INPP5F: variants seen among roughly 807,000 people sequenced by gnomAD.
The protein encoded by INPP5F is inositol polyphosphate-5-phosphatase F, also known as phosphatidylinositide 4-phosphatase SAC2.
Under a neutral mutation model 137.2 loss-of-function variants are expected in INPP5F, and 97 were observed. The ratio of observed to expected loss-of-function variants is 0.71; its 90% CI spans 0.60 to 0.84. The LOEUF is 0.84. Ranked by LOEUF, INPP5F falls within the 40% of genes least tolerant of loss-of-function variation. INPP5F has a pLI of 0.00. For synonymous variants in INPP5F, 504 were observed against 476.9 expected (o/e 1.06, Z -0.74); for missense variants, 1,271 against 1,371.9 (o/e 0.93, Z 1.16).
At chr10:119,754,693 C>A (rs1259985656) in intron 2 of INPP5F, among the ~76,000 whole-genome samples, 2 of 152,056 alleles carry the variant, frequency 1.3e-5, no homozygotes, top group Non-Finnish European at 2.9e-5. Flanking sequence ...GCCCCTGCTG[C>A]TTTTCCCTCC....
intron 12 of INPP5F, among the ~76,000 whole-genome samples, chr10:119,807,678 T>G (rs1850849265): frequency 6.6e-6 from 1 of 152,150 alleles, no homozygotes; most frequent in Admixed American, 6.5e-5. Flanking sequence ...AAAGACAAAA[T>G]ATAATAGTAT....
intron 1 of INPP5F, among the ~76,000 whole-genome samples, chr10:119,727,370 G>A (rs553535925): frequency 6.6e-6 from 1 of 152,324 alleles, no homozygotes; most frequent in Non-Finnish European, 1.5e-5. Flanking sequence ...TCACAGCGTG[G>A]TATCACTTAT....
chr10:119,810,233 G>T lies in INPP5F; in HGVS notation c.1687+16G>T. Reference sequence around the variant, plus strand: ...GCTGTTATAGGTAAGAAGCAGAAAAGCTTTTCTTTCCTCAAAATTTATGTC... The same window carrying T: ...GCTGTTATAGGTAAGAAGCAGAAAATCTTTTCTTTCCTCAAAATTTATGTC... On this transcript the variant is annotated intron_variant, in intron 14 of 19. Transcript: ENST00000650623. The T allele has an allele frequency of 7.1e-7, 1 of 1,405,812 alleles. No homozygotes were observed. Among genetic ancestry groups the T allele is most frequent in the Non-Finnish European group, 1.0e-6 (1 of 998,014 alleles). The allele number at this position is 1,405,812 out of a possible 1,614,324, so 87.1% of individuals were successfully genotyped here.
chr10:119,726,149 G>T lies in INPP5F; in HGVS notation c.-114G>T. Reference sequence around the variant, plus strand: ...GGCGTTCCCTCTGCCGCTGCTTCTCGGCGCGGTTCCTACCCGGCCGCTCCC... The same window carrying T: ...GGCGTTCCCTCTGCCGCTGCTTCTCTGCGCGGTTCCTACCCGGCCGCTCCC... On this transcript the variant is annotated 5_prime_UTR_variant, in exon 1 of 20. Coordinates refer to ENST00000650623, the MANE Select transcript of INPP5F (RefSeq NM_014937.4). 1 of 534,764 alleles carries T rather than the reference G, an allele frequency of 1.9e-6. No homozygotes were observed. Among genetic ancestry groups the T allele is most frequent in the South Asian group, 4.5e-5 (1 of 22,378 alleles). The allele number at this position is 534,764 out of a possible 1,614,324, so 33.1% of individuals were successfully genotyped here.
intron 16 of INPP5F, among the ~76,000 whole-genome samples, chr10:119,821,826 GT>G (rs1372705194): frequency 7.4e-6 from 1 of 135,752 alleles, no homozygotes; most frequent in East Asian, 2.4e-4. Flanking sequence ...TTTTATATGA[GT>G]TTTTATAAAA....
At chr10:119,736,391 T>C (rs12762055) in intron 1 of INPP5F, among the ~76,000 whole-genome samples, 6,347 of 152,274 alleles carry the variant, frequency 0.042, 236 homozygotes, top group South Asian at 0.22. Context: ...GTCTTGAACT[T>C]CTGGCCTCAA....
Position 119,808,005 on chromosome 10 carries a change from G to A in INPP5F, c.1514G>A (p.Trp505Ter). The stretch of plus-strand genomic sequence containing the variant: ...TGTAATCGCATCTACCAGATAATGT[G>A]GGCCAATAATGGTGACTCCATTAGC... ...VKCNRIYQIM[W>*]ANNGDSISRQ... The change falls in exon 13 of 20, where the codon TGG becomes TAG. Residue 505 changes from tryptophan (W) to a stop codon, truncating the protein, a stop_gained. Transcript: ENST00000650623. LOFTEE classifies it high-confidence loss of function. The A allele has an allele frequency of 6.2e-7, 1 of 1,613,996 alleles. No homozygotes were observed. Among genetic ancestry groups the A allele is most frequent in the Non-Finnish European group, 8.5e-7 (1 of 1,179,986 alleles).
At chr10:119,800,297 T>A (rs1333715411) in intron 9 of INPP5F, among the ~76,000 whole-genome samples, 1 of 151,770 alleles carries the variant, frequency 6.6e-6, no homozygotes, top group African/African-American at 2.4e-5. Flanking sequence ...GGCTCACGCC[T>A]GTAATCCCAG....
Position 119,827,589 on chromosome 10 carries a change from C to G in INPP5F, c.3208C>G (p.Pro1070Ala), listed in dbSNP as rs1388984994. ...GAGCAGTAGCAGCAGAGCAGTCTCT[C>G]CCTTTGCCAAGATTCGAAGTTCCAT... Reference protein sequence around the residue: ...SESSSSRAVSPFAKIRSSMVQ... With the variant: ...SESSSSRAVSAFAKIRSSMVQ... Residue 1070 changes from proline to alanine, a missense_variant, in exon 20 of 20, where the codon CCC becomes GCC. Coordinates refer to ENST00000650623, the MANE Select transcript of INPP5F (RefSeq NM_014937.4). 1 of 1,614,154 alleles carries G rather than the reference C, an allele frequency of 6.2e-7. No individual in the cohort carries two copies. The highest frequency in any genetic ancestry group is 8.5e-7 in the Non-Finnish European group (1 of 1,180,014).
chr10:119,742,952 A>T (rs548372259), intron 1 of INPP5F, among the ~76,000 whole-genome samples: 1 of 152,268 alleles, frequency 6.6e-6, no homozygotes, highest in African/African-American at 2.4e-5. Flanking sequence ...AGATCGCGCC[A>T]TTGCACTCCA....
chr10:119,795,378 G>C (rs1329730810), intron 6 of INPP5F, among the ~76,000 whole-genome samples: 3 of 148,394 alleles, frequency 2.0e-5, no homozygotes, highest in Non-Finnish European at 4.5e-5. Flanking sequence ...GCTGCCAGGC[G>C]GAGGGGCTCC....
intron 2 of INPP5F, among the ~76,000 whole-genome samples, chr10:119,777,597 TTTC>T (rs1250609678): frequency 6.6e-6 from 1 of 152,224 alleles, no homozygotes; most frequent in Non-Finnish European, 1.5e-5. Context: ...AGTGTAAAGA[TTTC>T]TTTTTATTCA....
chr10:119,794,669 C>T (rs553588909), intron 6 of INPP5F, among the ~76,000 whole-genome samples: 145 of 149,296 alleles, frequency 9.7e-4, no homozygotes, highest in Non-Finnish European at 1.9e-3. Context: ...ACCTCCCTCC[C>T]GGACGGGGCG....
chr10:119,823,285 C>A, intron 18 of INPP5F, 86 bp downstream of exon 18: 1 of 1,292,192 alleles, frequency 7.7e-7, no homozygotes, highest in Non-Finnish European at 1.1e-6. Context: ...CATTTCATAT[C>A]ATAACCAACT....
At position 119,827,410 on chromosome 10, in the gene INPP5F, G is replaced by A. The variant is rs753397914; in HGVS notation, c.3029G>A (p.Arg1010Gln). Reference protein sequence around the residue: ...QSESTEQTPSRPSQLDVSLSA... With the variant: ...QSESTEQTPSQPSQLDVSLSA... ...GAATCAACAGAACAGACACCTTCTC[G>A]GCCATCGCAATTAGATGTCTCTCTT... The change falls in exon 20 of 20, where the codon CGG becomes CAG. Residue 1010 changes from arginine (R) to glutamine (Q), a missense_variant. Physicochemically the swap from Arg to Gln is conservative, Grantham distance 43. Around this residue, in one of 6 missense-constraint regions of INPP5F, gnomAD observed 490 missense variants for 443.7 expected, o/e 1.10. Transcript: ENST00000650623. 1.2e-5 allele frequency: 20 copies of A among 1,614,062 alleles called. No homozygotes were observed. In the South Asian group the frequency reaches 1.3e-4, roughly 11 times the overall value.
chr10:119,772,047 G>A lies in INPP5F; in HGVS notation c.179-9588G>A, dbSNP rs1011092457. Among the ~76,000 whole-genome samples the A allele has an allele frequency of 1.3e-3, 194 of 150,320 alleles. 5 individuals carry two copies. Among genetic ancestry groups the A allele is most frequent in the Non-Finnish European group, 8.9e-5 (6 of 67,488 alleles). On this transcript the variant is annotated intron_variant, in intron 2 of 19. Transcript: ENST00000650623. Reference sequence around the variant, plus strand: ...CGAGTAGCTGGGACTACGGGTGCCCGCCACCACGCCGGGCTAATTTTTTGT... The same window carrying A: ...CGAGTAGCTGGGACTACGGGTGCCCACCACCACGCCGGGCTAATTTTTTGT...
intron 3 of INPP5F, among the ~76,000 whole-genome samples, chr10:119,789,346 A>G (rs1339007679): frequency 6.6e-6 from 1 of 152,220 alleles, no homozygotes; most frequent in Non-Finnish European, 1.5e-5. Context: ...AGAGTTATTC[A>G]TATGACTAAT....
At position 119,823,175 on chromosome 10, in the gene INPP5F, C is replaced by T. The variant is rs1460251213; in HGVS notation, c.2137C>T (p.Arg713Cys). 14 of 1,613,788 alleles carry T rather than the reference C, an allele frequency of 8.7e-6. No homozygotes were observed. Among genetic ancestry groups the T allele is most frequent in the South Asian group, 2.2e-5 (2 of 91,056 alleles). ...GYFHTLRAVM[R>C]NPEEDGKDTL... ...TTTCCACACATTGCGAGCTGTAATG[C>T]GTAATCCTGAAGAGGATGGAAAAGG... Residue 713 changes from arginine (R) to cysteine (C), a missense_variant, in exon 18 of 20, where the codon CGT becomes TGT. By Grantham distance (180) the Arg-to-Cys change is radical. Around this residue, in one of 6 missense-constraint regions of INPP5F, gnomAD observed 593 missense variants for 712.4 expected, o/e 0.83. Coordinates refer to ENST00000650623, the MANE Select transcript of INPP5F (RefSeq NM_014937.4).
chr10:119,780,141 C>T lies in INPP5F; in HGVS notation c.179-1494C>T, dbSNP rs148918755. ...TCAGCTCCATGATAATTTTAAGGGG[C>T]CATTACTGCATATGTAGCTCATCGT... On this transcript the variant is annotated intron_variant, in intron 2 of 19. Coordinates refer to ENST00000650623, the MANE Select transcript of INPP5F (RefSeq NM_014937.4). Among the ~76,000 whole-genome samples the T allele has an allele frequency of 2.1e-3, 318 of 152,194 alleles. 4 individuals carry two copies. Among genetic ancestry groups the T allele is most frequent in the African/African-American group, 7.4e-3 (307 of 41,488 alleles).
Sources: allele counts gnomAD v4.1 joint callset (sites outside exome capture counted in the v4.1 genomes callset), GRCh38; gene constraint gnomAD v4.1.1; regional missense constraint gnomAD v4.1.1; transcripts MANE v1.5; gene names NCBI Gene and HGNC (gene_info 2026-07-23, HGNC 2026-07-21).